The following GET1 variants were observed in gnomAD, a reference collection of about 807,000 sequenced individuals.
GET1 encodes guided entry of tail-anchored proteins factor 1, also known as congenital heart disease 5 protein.
A neutral mutation model predicts 22.6 loss-of-function variants in GET1; 20 were observed. That is an observed-to-expected ratio of 0.89 (90% confidence interval 0.62 to 1.29). The LOEUF (loss-of-function observed/expected upper bound fraction) is 1.29. Among genes scored for constraint, GET1 ranks in the 50% most tolerant of loss-of-function variants. GET1 has a pLI of 0.00. For synonymous variants in GET1, 92 were observed against 83.8 expected (o/e 1.10, Z -0.53); for missense variants, 209 against 219.9 (o/e 0.95, Z 0.31).
In GET1 at chr21:39,411,687, T is replaced by C. The variant is rs909288248; in HGVS notation, c.*23+750T>C. On this transcript the variant is annotated intron_variant, in intron 1 of 1. Transcript: ENST00000478273. ...GAAAATCTGACTAGATACTTAAAAA[T>C]AGATTTTGAGCAAAAGTAATTAAAA... The C allele has an allele frequency of 2.6e-6, 3 of 1,171,008 alleles. No homozygotes were observed. The African/African-American group carries it at 4.6e-5, about 18-fold the overall frequency. The allele number at this position is 1,171,008 out of a possible 1,614,324, so 72.5% of individuals were successfully genotyped here.
chr21:39,406,509 C>A (rs1273338968), exon 5 of GET1: 1 of 1,613,334 alleles, frequency 6.2e-7, no homozygotes. Context: ...GCTCTTCTTT[C>A]ACAAAAATGT....
chr21:39,420,918 C>T, intron 1 of GET1: 1 of 1,149,382 alleles, frequency 8.7e-7, no homozygotes, highest in Non-Finnish European at 1.3e-6. Context: ...ATGGAACTAA[C>T]TACATTTATG....
downstream of GET1, among the ~76,000 whole-genome samples, chr21:39,401,273 T>C (rs1273240539): frequency 6.6e-6 from 1 of 152,150 alleles, no homozygotes; most frequent in African/African-American, 2.4e-5. Context: ...GGTTTCAAAC[T>C]CCTGGCCTTA....
intron 4 of GET1, among the ~76,000 whole-genome samples, chr21:39,404,937 T>G (rs2038964056): frequency 6.6e-6 from 1 of 151,520 alleles, no homozygotes; most frequent in Non-Finnish European, 1.5e-5. Flanking sequence ...GTTCCAGCGA[T>G]TCTCCTGCCT....
intron 1 of GET1, among the ~76,000 whole-genome samples, chr21:39,414,920 T>G (rs2040869156): frequency 6.6e-6 from 1 of 152,182 alleles, no homozygotes; most frequent in South Asian, 2.1e-4. Context: ...ATTATTTTAT[T>G]TATTTTTAGA....
At chr21:39,380,670 A>T (rs930486461) in intron 1 of GET1, 184 bp downstream of exon 1, 34 of 1,414,272 alleles carry the variant, frequency 2.4e-5, no homozygotes, top group Non-Finnish European at 3.1e-5. Flanking sequence ...CCCCAAAATC[A>T]GACTTTCTGG....
intron 1 of GET1, among the ~76,000 whole-genome samples, chr21:39,416,591 T>C (rs1438893261): frequency 1.3e-5 from 2 of 152,202 alleles, no homozygotes; most frequent in African/African-American, 4.8e-5. Context: ...ACTCTGAGAA[T>C]ATTGCATACT....
chr21:39,392,250 G>A (rs1569038988), intron 3 of GET1, among the ~76,000 whole-genome samples: 1 of 152,176 alleles, frequency 6.6e-6, no homozygotes, highest in African/African-American at 2.4e-5. Context: ...TAGAGAACCA[G>A]CTTTTCCGAC....
chr21:39,406,309 G>A, exon 5 of GET1: 1 of 1,614,170 alleles, frequency 6.2e-7, no homozygotes, highest in Non-Finnish European at 8.5e-7. Flanking sequence ...GTTTTCAGTT[G>A]CTTCTGTGAA....
chr21:39,416,574 C>T (rs2041198611), intron 1 of GET1, among the ~76,000 whole-genome samples: 1 of 152,016 alleles, frequency 6.6e-6, no homozygotes, highest in South Asian at 2.1e-4. Context: ...GTTCATTGCT[C>T]CTGGTTACTC....
intron 4 of GET1, among the ~76,000 whole-genome samples, chr21:39,404,750 C>CAAAAAAAA (rs748914343): frequency 1.1e-5 from 1 of 88,160 alleles, no homozygotes; most frequent in Non-Finnish European, 2.0e-5. Context: ...GAGACACTGT[C>CAAAAAAAA]AAAAAAAAAA....
chr21:39,410,741 G>C, downstream of GET1: 1 of 443,492 alleles, frequency 2.3e-6, no homozygotes, highest in Non-Finnish European at 4.6e-6. Context: ...TGTCCATGCT[G>C]AAGCGCATGA....
chr21:39,426,631 A>G (rs779418412), intron 1 of GET1, among the ~76,000 whole-genome samples: 57 of 152,368 alleles, frequency 3.7e-4, no homozygotes, highest in Non-Finnish European at 5.9e-4. Context: ...TGAAATAACT[A>G]AAGATCTGCT....
At chr21:39,419,102 A>C (rs1421228579) in intron 1 of GET1, among the ~76,000 whole-genome samples, 1 of 152,168 alleles carries the variant, frequency 6.6e-6, no homozygotes, top group East Asian at 1.9e-4. Flanking sequence ...TGATACCAAC[A>C]TAATTCATCA....
intron 1 of GET1, chr21:39,387,687 A>AC (rs2037999444): frequency 9.9e-6 from 1 of 100,922 alleles, no homozygotes; most frequent in African/African-American, 5.2e-5. Context: ...CCTACTCCCC[A>AC]CACTCCCCCC....
At position 39,395,173 on chromosome 21, in the gene GET1, A is replaced by G. The variant is rs1189613648; in HGVS notation, c.452-1693A>G. Among the ~76,000 whole-genome samples, 4 of 151,974 alleles carry G rather than the reference A, an allele frequency of 2.6e-5. No individual in the cohort carries two copies. The East Asian group carries it at 5.9e-4, about 22-fold the overall frequency. On this transcript the variant is annotated intron_variant, in intron 4 of 4. Coordinates refer to ENST00000649170, the MANE Select transcript of GET1 (RefSeq NM_004627.6). ...TATAGGTGTGTCACCTTGCCTGGCA[A>G]ATTTCTTTATTAAGGAATTTTCAGT...
intron 1 of GET1, among the ~76,000 whole-genome samples, chr21:39,419,338 A>T (rs544263235): frequency 6.6e-6 from 1 of 152,212 alleles, no homozygotes; most frequent in African/African-American, 2.4e-5. Context: ...CAGCCTGGGC[A>T]ACACAGCGAG....
intron 1 of GET1, chr21:39,420,799 C>G (rs1170165164): frequency 1.2e-6 from 2 of 1,613,158 alleles, no homozygotes; most frequent in Non-Finnish European, 1.7e-6. Context: ...TAGCCAGCTG[C>G]CGGCTAAAGG....
At chr21:39,403,828 G>C (rs1049179624) in intron 4 of GET1, among the ~76,000 whole-genome samples, 1 of 151,834 alleles carries the variant, frequency 6.6e-6, no homozygotes, top group Admixed American at 6.6e-5. Flanking sequence ...CACCAAATTG[G>C]TCAGGCTGGT....
Sources: allele counts gnomAD v4.1 joint callset (sites outside exome capture counted in the v4.1 genomes callset), GRCh38; gene constraint gnomAD v4.1.1; transcripts MANE v1.5; gene names NCBI Gene and HGNC (gene_info 2026-07-23, HGNC 2026-07-21).